DIAPH2: variants seen among roughly 807,000 people sequenced by gnomAD.
The protein encoded by DIAPH2 is protein diaphanous homolog 2.
DIAPH2 carries 35 observed loss-of-function variants against 92.7 expected under a neutral mutation model. The ratio of observed to expected loss-of-function variants is 0.38; its 90% CI spans 0.29 to 0.50. DIAPH2 has a LOEUF of 0.50. Among genes scored for constraint, DIAPH2 ranks in the 20% least tolerant of loss-of-function variants. The pLI, the probability that DIAPH2 is intolerant of heterozygous loss-of-function variation, is 0.94. For synonymous variants in DIAPH2, 301 were observed against 280.4 expected (o/e 1.07, Z -0.73); for missense variants, 701 against 819.5 (o/e 0.86, Z 1.77).
intron 22 of DIAPH2, among the ~76,000 whole-genome samples, chrX:97,202,363 C>T (rs943443692): frequency 1.8e-4 from 20 of 111,493 alleles, no homozygotes; most frequent in Admixed American, 9.6e-5. Context: ...AAGACACAGA[C>T]GGGCAAATTG....
chrX:96,694,745 A>T (rs2063816337), intron 1 of DIAPH2, among the ~76,000 whole-genome samples: 1 of 111,901 alleles, frequency 8.9e-6, no homozygotes, highest in Admixed American at 9.5e-5. Flanking sequence ...AATTTGGCAG[A>T]AGCATTTCCT....
At chrX:96,851,665 A>G (rs1024777477) in intron 4 of DIAPH2, among the ~76,000 whole-genome samples, 15 of 112,324 alleles carry the variant, frequency 1.3e-4, no homozygotes, top group Non-Finnish European at 1.9e-4. Context: ...GGTACAGACA[A>G]TCATCCATTT....
chrX:97,161,540 A>G (rs1487341333), intron 22 of DIAPH2, among the ~76,000 whole-genome samples: 1 of 110,844 alleles, frequency 9.0e-6, no homozygotes, highest in Non-Finnish European at 1.9e-5. Flanking sequence ...AGCTGGACCC[A>G]CAGGTACATG....
chrX:96,891,917 A>G (rs2065309869), intron 5 of DIAPH2, among the ~76,000 whole-genome samples: 1 of 112,189 alleles, frequency 8.9e-6, no homozygotes, highest in Admixed American at 9.5e-5. Context: ...ATACATGTGC[A>G]GTTATTTGCA....
At chrX:97,573,637 GT>G (rs1249467106) in intron 26 of DIAPH2, among the ~76,000 whole-genome samples, 4 of 107,049 alleles carry the variant, frequency 3.7e-5, no homozygotes, top group South Asian at 8.4e-4. Flanking sequence ...TATCAAGCAT[GT>G]TTTTTTGGGG....
At chrX:96,742,517 A>T (rs180983438) in intron 3 of DIAPH2, among the ~76,000 whole-genome samples, 1 of 111,774 alleles carries the variant, frequency 8.9e-6, no homozygotes, top group East Asian at 2.8e-4. Flanking sequence ...GCAGTAGCTT[A>T]TAAGATCCTA....
chrX:97,256,778 C>T (rs898111833), intron 23 of DIAPH2, among the ~76,000 whole-genome samples: 1 of 111,304 alleles, frequency 9.0e-6, no homozygotes, highest in Non-Finnish European at 1.9e-5. Context: ...GATTCTTCTG[C>T]CTCAGCCTCC....
chrX:96,763,109 A>G, intron 4 of DIAPH2: 1 of 966,394 alleles, frequency 1.0e-6, no homozygotes, highest in Non-Finnish European at 1.3e-6. Context: ...GATAGTTGGA[A>G]GTAAAGTTAC....
Position 97,600,943 on chromosome X carries a change from T to TAAAAAGCTCTGA in DIAPH2, c.*1628_*1639dup, listed in dbSNP as rs1242993354. ...TCCTTACTTAGGTATTATACTTCTT[T>TAAAAAGCTCTGA]AAAAAGCTCTGAAGCTGCTACAATA... On this transcript the variant is annotated 3_prime_UTR_variant, in exon 27 of 27. Transcript: ENST00000324765. 1.8e-5 allele frequency: 2 copies of TAAAAAGCTCTGA among 111,777 alleles called. No homozygotes were observed. The highest frequency in any genetic ancestry group is 5.6e-4 in the East Asian group (2 of 3,592). The allele number at this position is 111,777 out of a possible 1,213,427, so 9.2% of individuals were successfully genotyped here.
chrX:97,362,173 G>A (rs998766604), intron 24 of DIAPH2, among the ~76,000 whole-genome samples: 6 of 109,645 alleles, frequency 5.5e-5, no homozygotes, highest in Admixed American at 2.0e-4. Flanking sequence ...CCCAGGAGGC[G>A]GAGGTTGCAG....
chrX:96,868,864 C>A (rs1339255808), intron 4 of DIAPH2, among the ~76,000 whole-genome samples: 1 of 111,305 alleles, frequency 9.0e-6, no homozygotes, highest in South Asian at 3.8e-4. Context: ...GTGAAGAAAC[C>A]GAGAATCTGT....
intron 22 of DIAPH2, among the ~76,000 whole-genome samples, chrX:97,185,381 GTA>G (rs1238589084): frequency 0.013 from 352 of 27,883 alleles, 54 homozygotes; most frequent in African/African-American, 0.087. Flanking sequence ...ATATATATAT[GTA>G]TATATATATG....
At chrX:96,856,511 G>A (rs1176595439) in intron 4 of DIAPH2, among the ~76,000 whole-genome samples, 1 of 105,208 alleles carries the variant, frequency 9.5e-6, no homozygotes, top group Non-Finnish European at 1.9e-5. Context: ...TGGTTTTTCA[G>A]CAGCACAGGT....
At chrX:97,427,473 T>A (rs1330529316) in intron 25 of DIAPH2, among the ~76,000 whole-genome samples, 1 of 111,435 alleles carries the variant, frequency 9.0e-6, no homozygotes, top group African/African-American at 3.3e-5. Flanking sequence ...TACATATAGT[T>A]CTTATCTCAG....
At chrX:97,060,950 C>G (rs2066593036) in intron 17 of DIAPH2, among the ~76,000 whole-genome samples, 1 of 110,622 alleles carries the variant, frequency 9.0e-6, no homozygotes, top group African/African-American at 3.3e-5. Flanking sequence ...ACTGAAACTA[C>G]CTAAGTATAA....
At chrX:96,839,273 C>G (rs2064919937) in intron 4 of DIAPH2, among the ~76,000 whole-genome samples, 1 of 110,917 alleles carries the variant, frequency 9.0e-6, no homozygotes, top group African/African-American at 3.3e-5. Flanking sequence ...AGTGTCACTC[C>G]CCTAAATGCC....
At chrX:96,777,560 T>A (rs774583430) in intron 4 of DIAPH2, among the ~76,000 whole-genome samples, 11 of 111,247 alleles carry the variant, frequency 9.9e-5, no homozygotes, top group Admixed American at 1.9e-4. Context: ...AGATCTTCAT[T>A]TGGAAAATTT....
intron 22 of DIAPH2, among the ~76,000 whole-genome samples, chrX:97,203,085 A>T (rs188949045): frequency 1.4e-3 from 153 of 112,004 alleles, no homozygotes; most frequent in African/African-American, 4.9e-3. Context: ...GTATATAACA[A>T]AATGAAGGCA....
intron 5 of DIAPH2, among the ~76,000 whole-genome samples, chrX:96,908,319 C>T (rs2065446461): frequency 9.0e-6 from 1 of 110,802 alleles, no homozygotes; most frequent in Non-Finnish European, 1.9e-5. Context: ...AATTTTCCTC[C>T]GTTTTTCCTT....
Sources: allele counts gnomAD v4.1 joint callset (sites outside exome capture counted in the v4.1 genomes callset), GRCh38; gene constraint gnomAD v4.1.1; transcripts MANE v1.5; gene names NCBI Gene and HGNC (gene_info 2026-07-23, HGNC 2026-07-21).